The following ZMYM2 variants were observed in gnomAD, a reference collection of about 807,000 sequenced individuals.
ZMYM2 encodes the protein zinc finger MYM-type containing 2.
ZMYM2 carries 56 observed loss-of-function variants against 162.8 expected under a neutral mutation model. The observed-to-expected ratio is 0.34, with a 90% CI of 0.28 to 0.43. The LOEUF (loss-of-function observed/expected upper bound fraction) is 0.43, where lower values mean the gene tolerates loss of function less well. Ranked by LOEUF, ZMYM2 falls within the 20% of genes least tolerant of loss-of-function variation. The probability of loss-of-function intolerance (pLI) is 1.00; values close to 1 mark genes in which losing one functional copy is unlikely to be tolerated. For missense variants in ZMYM2, 1,275 were observed against 1,621.8 expected (o/e 0.79, Z 3.67); for synonymous variants, 510 against 541.6 (o/e 0.94, Z 0.81).
At chr13:19,869,227 T>C in the ZMYM2 span, among the ~76,000 whole-genome samples, 1 of 152,214 alleles carries the variant, frequency 6.6e-6, no homozygotes, top group African/African-American at 2.4e-5. Flanking sequence ...TAAAGTCAGA[T>C]GGTGTTTCTT....
intron 21 of ZMYM2, chr13:20,071,893 G>T: frequency 5.3e-6 from 1 of 190,054 alleles, no homozygotes; most frequent in South Asian, 1.6e-4. Flanking sequence ...GTTCGTTCAA[G>T]GCTTTCTGCA....
chr13:20,034,135 A>G (rs906156654), intron 10 of ZMYM2, 119 bp from the exon 11 acceptor site: 17 of 920,556 alleles, frequency 1.8e-5, no homozygotes, highest in African/African-American at 1.2e-4. Flanking sequence ...TAGGAAATCT[A>G]TCCCCAAGGG....
intron 14 of ZMYM2, among the ~76,000 whole-genome samples, chr13:20,053,867 CGTAAA>C (rs528471938): frequency 2.2e-4 from 34 of 152,142 alleles, no homozygotes; most frequent in African/African-American, 3.9e-4. Flanking sequence ...TTTGGAAGTA[CGTAAA>C]GTATTCACTT....
At chr13:20,016,261 C>T (rs959647085) in intron 6 of ZMYM2, among the ~76,000 whole-genome samples, 2 of 152,024 alleles carry the variant, frequency 1.3e-5, no homozygotes, top group Admixed American at 1.3e-4. Context: ...AGTTAATCAG[C>T]TTTTAAAAAT....
At chr13:19,876,541 C>G in the ZMYM2 span, among the ~76,000 whole-genome samples, 2 of 151,650 alleles carry the variant, frequency 1.3e-5, no homozygotes, top group African/African-American at 2.4e-5. Flanking sequence ...CAGGCTGGTC[C>G]CAGACTCCTG....
In ZMYM2 at chr13:19,993,175, T is replaced by C; in HGVS notation, c.103T>C (p.Phe35Leu). The change falls in exon 3 of 25, where the codon TTT (phenylalanine) becomes CTT (leucine). Residue 35 changes from phenylalanine (F) to leucine (L), a missense_variant. By Grantham distance (22) the Phe-to-Leu change is conservative. Around this residue, in one of 10 missense-constraint regions of ZMYM2, gnomAD observed 295 missense variants for 286.7 expected, o/e 1.03. Transcript: ENST00000610343. ...TAGTCTCACGAATGTAGGAAACTCA[T>C]TTAGTGGTCCAGCTAATCCTTTAGT... is the stretch of plus-strand genomic sequence containing the variant. The part of the protein sequence containing the change: ...ATSLTNVGNS[F>L]SGPANPLVSR... 1 of 1,614,140 alleles carries C rather than the reference T, an allele frequency of 6.2e-7. No individual in the cohort carries two copies. Among genetic ancestry groups the C allele is most frequent in the Non-Finnish European group, 8.5e-7 (1 of 1,180,008 alleles).
intron 21 of ZMYM2, among the ~76,000 whole-genome samples, chr13:20,074,481 C>G (rs1298496157): frequency 6.6e-6 from 1 of 151,934 alleles, no homozygotes; most frequent in Non-Finnish European, 1.5e-5. Context: ...AGCAATCCAC[C>G]TTCCTCAGCC....
chr13:19,989,811 A>G (rs1348583481), intron 2 of ZMYM2, among the ~76,000 whole-genome samples: 2 of 152,190 alleles, frequency 1.3e-5, no homozygotes, highest in Non-Finnish European at 2.9e-5. Flanking sequence ...GCCTTTGCTA[A>G]GCATCCTTCT....
At chr13:19,965,884 A>G (rs1042672864) in intron 2 of ZMYM2, among the ~76,000 whole-genome samples, 2 of 148,806 alleles carry the variant, frequency 1.3e-5, no homozygotes, top group African/African-American at 2.5e-5. Context: ...ACTTGAAGCA[A>G]TTCTCCTGCC....
chr13:20,073,039 C>T (rs1239420662), intron 21 of ZMYM2, among the ~76,000 whole-genome samples: 4 of 152,008 alleles, frequency 2.6e-5, no homozygotes, highest in Non-Finnish European at 5.9e-5. Context: ...TCCCAAGTAG[C>T]TGGGATTACA....
the ZMYM2 span, among the ~76,000 whole-genome samples, chr13:19,877,212 A>G: frequency 2.1e-4 from 1 of 4,764 alleles, no homozygotes; most frequent in African/African-American, 2.5e-4. Flanking sequence ...ACTCCGTCTC[A>G]AAAAAAAAAA....
chr13:19,899,874 G>C, the ZMYM2 span, among the ~76,000 whole-genome samples: 1 of 137,768 alleles, frequency 7.3e-6, no homozygotes, highest in Non-Finnish European at 1.6e-5. Context: ...AACCAAGAAT[G>C]AGTTCTTTGA....
chr13:19,872,266 T>C, the ZMYM2 span, among the ~76,000 whole-genome samples: 1 of 152,088 alleles, frequency 6.6e-6, no homozygotes, highest in South Asian at 2.1e-4. Flanking sequence ...AAGTGGACTC[T>C]ATGGCTAGGC....
intron 2 of ZMYM2, among the ~76,000 whole-genome samples, chr13:19,978,505 C>T (rs909762871): frequency 1.3e-5 from 2 of 152,120 alleles, no homozygotes; most frequent in African/African-American, 4.8e-5. Context: ...CAACGTCCGC[C>T]TCCTGGGTTC....
chr13:20,003,233 C>T, intron 4 of ZMYM2, 98 bp downstream of exon 4: 3 of 1,384,428 alleles, frequency 2.2e-6, no homozygotes, highest in Non-Finnish European at 2.9e-6. Context: ...TTGGAAACTT[C>T]CCTATCAAGT....
At chr13:20,074,235 T>TGA (rs1382514683) in intron 21 of ZMYM2, among the ~76,000 whole-genome samples, 325 of 145,648 alleles carry the variant, frequency 2.2e-3, no homozygotes, top group African/African-American at 5.8e-3. Flanking sequence ...TGTGTGTGTG[T>TGA]GTGAGAGAGA....
chr13:20,066,383 T>C (rs1328116144), intron 19 of ZMYM2, among the ~76,000 whole-genome samples: 2 of 152,190 alleles, frequency 1.3e-5, no homozygotes, highest in Non-Finnish European at 2.9e-5. Context: ...CAAAAATTCA[T>C]GTATTACTTT....
chr13:20,053,076 T>C (rs906715828), intron 14 of ZMYM2, among the ~76,000 whole-genome samples: 2 of 152,216 alleles, frequency 1.3e-5, no homozygotes, highest in Admixed American at 6.5e-5. Flanking sequence ...AAAGTGGCCA[T>C]TGATGTTACT....
chr13:20,072,037 G>T, intron 21 of ZMYM2: 1 of 175,698 alleles, frequency 5.7e-6, no homozygotes, highest in South Asian at 1.6e-4. Flanking sequence ...GGAACAGTAA[G>T]GAATTCCGAT....
Sources: allele counts gnomAD v4.1 joint callset (sites outside exome capture counted in the v4.1 genomes callset), GRCh38; gene constraint gnomAD v4.1.1; regional missense constraint gnomAD v4.1.1; transcripts MANE v1.5; gene names NCBI Gene and HGNC (gene_info 2026-07-23, HGNC 2026-07-21).